The following EYA3 variants were observed in gnomAD, a reference collection of about 807,000 sequenced individuals.
EYA3 encodes the protein EYA transcriptional coactivator and phosphatase 3.
EYA3 carries 39 observed loss-of-function variants against 80.0 expected under a neutral mutation model. The observed-to-expected ratio is 0.49, with a 90% CI of 0.38 to 0.64. The LOEUF (loss-of-function observed/expected upper bound fraction) is 0.64, where lower values mean the gene tolerates loss of function less well. Ranked by LOEUF, EYA3 falls within the 30% of genes least tolerant of loss-of-function variation. The pLI, the probability that EYA3 is intolerant of heterozygous loss-of-function variation, is 0.00. For missense variants in EYA3, 523 were observed against 676.1 expected (o/e 0.77, Z 2.51); for synonymous variants, 206 against 232.8 (o/e 0.88, Z 1.05).
At chr1:28,071,487 C>G (rs923781170) in intron 1 of EYA3, among the ~76,000 whole-genome samples, 2 of 152,274 alleles carry the variant, frequency 1.3e-5, no homozygotes, top group South Asian at 4.1e-4. Context: ...GTGCTTAGCA[C>G]TATATCAAGA....
At chr1:27,989,435 A>C (rs573873970) in intron 15 of EYA3, among the ~76,000 whole-genome samples, 2 of 152,318 alleles carry the variant, frequency 1.3e-5, no homozygotes, top group South Asian at 4.1e-4. Context: ...ACAAGAGATT[A>C]TGGGTTACTG....
At chr1:27,993,369 G>T in intron 14 of EYA3, 31 bp downstream of exon 14, 1 of 1,591,816 alleles carries the variant, frequency 6.3e-7, no homozygotes, top group Admixed American at 1.9e-5. Flanking sequence ...GGAAGAAACA[G>T]AGAATCAGAC....
At position 28,013,380 on chromosome 1, in the gene EYA3, T is replaced by C; in HGVS notation, c.586-86A>G. 8.7e-7 allele frequency: 1 copy of C among 1,143,926 alleles called. No individual in the cohort carries two copies. Among genetic ancestry groups the C allele is most frequent in the Non-Finnish European group, 1.2e-6 (1 of 834,238 alleles). 70.9% of individuals were successfully genotyped at this position (1,143,926 alleles called of 1,614,324 possible). Reference sequence around the variant, plus strand: ...GAGGCTTTCTTCTCCCTCTTTCTTATTCATAATTATTTTTCTAAAACATTA... The same window carrying C: ...GAGGCTTTCTTCTCCCTCTTTCTTACTCATAATTATTTTTCTAAAACATTA... On this transcript the variant is annotated intron_variant, in intron 8 of 17. Transcript: ENST00000373871. The surrounding 1 kb of genome is among the most constrained non-coding windows in gnomAD (Gnocchi z 4.0).
At chr1:28,002,699 A>G (rs1415309367) in intron 11 of EYA3, among the ~76,000 whole-genome samples, 1 of 151,972 alleles carries the variant, frequency 6.6e-6, no homozygotes, top group East Asian at 1.9e-4. Flanking sequence ...GTAGTCCCAG[A>G]TACCTGGAGG....
At chr1:27,996,878 A>G (rs1640493774) in intron 13 of EYA3, among the ~76,000 whole-genome samples, 1 of 152,202 alleles carries the variant, frequency 6.6e-6, no homozygotes, top group Admixed American at 6.5e-5. Context: ...AACTTTCACT[A>G]TAATAAAATG....
chr1:28,018,153 A>G (rs539362143), intron 7 of EYA3, among the ~76,000 whole-genome samples: 1 of 152,184 alleles, frequency 6.6e-6, no homozygotes, highest in Admixed American at 6.6e-5. Context: ...CCAAAATCGC[A>G]TGACTGCACT....
intron 16 of EYA3, among the ~76,000 whole-genome samples, chr1:27,981,175 A>G (rs1639278157): frequency 6.6e-6 from 1 of 152,360 alleles, no homozygotes; most frequent in South Asian, 2.1e-4. Context: ...AGGAAGTGAA[A>G]AAGTATTTCT....
intron 11 of EYA3, among the ~76,000 whole-genome samples, chr1:28,003,418 G>C (rs7532150): frequency 0.23 from 34,419 of 152,046 alleles, 4,097 homozygotes; most frequent in Non-Finnish European, 0.27. Context: ...GCAGTGAGCA[G>C]AGATCATGCT....
At position 27,993,528 on chromosome 1, in the gene EYA3, C is replaced by T. The variant is rs1312031742; in HGVS notation, c.1175G>A (p.Gly392Asp). 1 of 1,605,510 alleles carries T rather than the reference C, an allele frequency of 6.2e-7. No individual in the cohort carries two copies. Reference protein sequence around the residue: ...NYSFSTDGFSGSGGSGSHGSS... With the variant: ...NYSFSTDGFSDSGGSGSHGSS... ...ACCATGGCTGCCACTACCTCCTGAG[C>T]CACTGAAACCATCTGTTGAGAAACT... Residue 392 changes from glycine (G) to aspartate (D), a missense_variant, in exon 14 of 18, where the codon GGC (glycine) becomes GAC (aspartate). Around this residue, in one of 2 missense-constraint regions of EYA3, gnomAD observed 219 missense variants for 332.8 expected, o/e 0.66. Coordinates refer to ENST00000373871, the MANE Select transcript of EYA3 (RefSeq NM_001990.4).
chr1:28,042,496 A>G, intron 4 of EYA3, 75 bp downstream of exon 4: 1 of 1,383,410 alleles, frequency 7.2e-7, no homozygotes, highest in Admixed American at 1.8e-5. Context: ...GCAATTACGA[A>G]AAACCAACTC....
chr1:28,052,866 G>A (rs903040656), intron 2 of EYA3, among the ~76,000 whole-genome samples: 4 of 152,080 alleles, frequency 2.6e-5, no homozygotes, highest in African/African-American at 9.7e-5. Flanking sequence ...ACCTGAACCC[G>A]GGAGGTGGAG....
At chr1:28,068,918 T>C (rs891523037) in intron 1 of EYA3, among the ~76,000 whole-genome samples, 1 of 152,092 alleles carries the variant, frequency 6.6e-6, no homozygotes, top group Non-Finnish European at 1.5e-5. Flanking sequence ...GCGATTCTCA[T>C]GCCTCAGCCT....
intron 11 of EYA3, among the ~76,000 whole-genome samples, chr1:28,003,186 C>T (rs897052271): frequency 3.3e-5 from 5 of 151,404 alleles, no homozygotes; most frequent in African/African-American, 4.9e-5. Flanking sequence ...AGGAGAATGG[C>T]GTGGACCCAG....
At chr1:28,014,432 A>G (rs1451097558) in intron 8 of EYA3, among the ~76,000 whole-genome samples, 2 of 149,276 alleles carry the variant, frequency 1.3e-5, no homozygotes, top group Non-Finnish European at 3.0e-5. Context: ...AAAAAAAAAA[A>G]AAAAAAAAAA....
chr1:28,013,359 C>T lies in EYA3; in HGVS notation c.586-65G>A. 8.0e-7 allele frequency: 1 copy of T among 1,257,802 alleles called. No homozygotes were observed. Among genetic ancestry groups the T allele is most frequent in the Non-Finnish European group, 1.1e-6 (1 of 934,906 alleles). The allele number at this position is 1,257,802 out of a possible 1,614,324, so 77.9% of individuals were successfully genotyped here. A position where few individuals can be genotyped will look rare whatever the true frequency, so the allele number is the denominator to read the frequency against. ...CATACATTAATCTCAACACAAGAGG[C>T]TTTCTTCTCCCTCTTTCTTATTCAT... On this transcript the variant is annotated intron_variant, in intron 8 of 17. Transcript: ENST00000373871. This position sits in a 1 kb window ranked among gnomAD's most constrained non-coding sequence, Gnocchi z 4.0.
intron 6 of EYA3, among the ~76,000 whole-genome samples, chr1:28,028,988 G>A (rs964883062): frequency 2.0e-5 from 3 of 152,110 alleles, no homozygotes; most frequent in African/African-American, 7.2e-5. Context: ...TTAAAGTGTT[G>A]GGATTACAGG....
chr1:28,084,568 T>TATATATATATAC (rs1645549301), intron 1 of EYA3, among the ~76,000 whole-genome samples: 1 of 9,204 alleles, frequency 1.1e-4, no homozygotes, highest in South Asian at 3.9e-3. Flanking sequence ...TATATATATA[T>TATATATATATAC]ATATATATAT....
intron 1 of EYA3, among the ~76,000 whole-genome samples, chr1:28,062,799 C>G (rs72658347): frequency 0.34 from 51,045 of 151,514 alleles, 8,760 homozygotes; most frequent in East Asian, 0.51. Flanking sequence ...TCAGGAGTTT[C>G]AAACTAGCCT....
chr1:28,062,524 C>T (rs978458893), intron 1 of EYA3, among the ~76,000 whole-genome samples: 1 of 152,208 alleles, frequency 6.6e-6, no homozygotes, highest in Admixed American at 6.5e-5. Context: ...ATTCCTACCT[C>T]ATAGTTTCTG....
Sources: gnomAD v4.1 joint callset for allele counts (sites outside exome capture counted in the v4.1 genomes callset) on GRCh38, gnomAD v4.1.1 for gene constraint, gnomAD v4.1.1 regional missense constraint, Gnocchi (gnomAD v3.1) non-coding constraint, MANE v1.5 for transcripts, NCBI Gene and HGNC (gene_info 2026-07-23, HGNC 2026-07-21) for gene names.